RNF144A: variants seen among roughly 807,000 people sequenced by gnomAD.
The protein encoded by RNF144A is E3 ubiquitin-protein ligase RNF144A.
In RNF144A, 11 loss-of-function variants were observed where a neutral mutation model predicts 38.7. The ratio of observed to expected loss-of-function variants is 0.28; its 90% CI spans 0.18 to 0.47. The LOEUF (loss-of-function observed/expected upper bound fraction) is 0.47, where lower values mean the gene tolerates loss of function less well. Ranked by LOEUF, RNF144A falls within the 20% of genes least tolerant of loss-of-function variation. The probability of loss-of-function intolerance (pLI) is 0.99; values close to 1 mark genes in which losing one functional copy is unlikely to be tolerated. For missense variants in RNF144A, 316 were observed against 377.2 expected, an observed-to-expected ratio of 0.84 and a Z score of 1.34; for synonymous variants, 149 against 143.9, an observed-to-expected ratio of 1.04 and a Z score of -0.25.
chr2:6,937,113 A>G (rs929208740), intron 1 of RNF144A, among the ~76,000 whole-genome samples: 1 of 152,206 alleles, frequency 6.6e-6, no homozygotes, highest in African/African-American at 2.4e-5. Context: ...CTTCTTGAGT[A>G]TTGAGGGACT....
chr2:6,986,560 C>G (rs551287771), intron 2 of RNF144A, among the ~76,000 whole-genome samples: 2 of 152,274 alleles, frequency 1.3e-5, no homozygotes, highest in Non-Finnish European at 2.9e-5. Flanking sequence ...CTCCCACACC[C>G]CACAGTGGCT....
chr2:6,919,033 T>C (rs889076209), intron 1 of RNF144A, among the ~76,000 whole-genome samples: 2 of 152,192 alleles, frequency 1.3e-5, no homozygotes, highest in Non-Finnish European at 2.9e-5. Context: ...GCAGATAAGA[T>C]GGATTTGTAA....
At chr2:6,991,955 G>A (rs559450401) in intron 2 of RNF144A, among the ~76,000 whole-genome samples, 6 of 152,268 alleles carry the variant, frequency 3.9e-5, no homozygotes, top group Non-Finnish European at 8.8e-5. Context: ...TCACACATAT[G>A]TCAGACTTTG....
rs114895911 is a variant in RNF144A, at chr2:6,967,592, G to T, written c.-12+26445G>T. Among the ~76,000 whole-genome samples, 1,509 of 152,296 alleles carry T rather than the reference G, an allele frequency of 9.9e-3. 39 individuals are homozygous for T. Among genetic ancestry groups the T allele is most frequent in the African/African-American group, 0.035 (1,435 of 41,560 alleles). On this transcript the variant is annotated intron_variant, in intron 2 of 8. Coordinates refer to ENST00000320892, the MANE Select transcript of RNF144A (RefSeq NM_014746.6). ...CCTACTTCTGGGTAACTGAGGCAGGGGTGTGACAGTGACTGTCTGAGTCCT... is the reference window on the plus strand; with the variant it reads ...CCTACTTCTGGGTAACTGAGGCAGGTGTGTGACAGTGACTGTCTGAGTCCT...
intron 5 of RNF144A, 94 bp from the exon 6 acceptor site, chr2:7,020,379 C>A: frequency 9.2e-7 from 1 of 1,081,090 alleles, no homozygotes; most frequent in Non-Finnish European, 1.4e-6. Flanking sequence ...TGGACATGTT[C>A]CTCCCTGTCC....
intron 6 of RNF144A, among the ~76,000 whole-genome samples, chr2:7,064,424 AGCAGGG>A (rs1390671915): frequency 2.6e-5 from 4 of 152,208 alleles, no homozygotes; most frequent in Non-Finnish European, 4.4e-5. Flanking sequence ...ACCAAGAATA[AGCAGGG>A]GATATCTTGG....
At chr2:6,956,449 T>C (rs1667006857) in intron 2 of RNF144A, among the ~76,000 whole-genome samples, 1 of 152,208 alleles carries the variant, frequency 6.6e-6, no homozygotes, top group South Asian at 2.1e-4. Flanking sequence ...TGGATGTCAT[T>C]TCTGTAGGTT....
chr2:7,032,783 T>C (rs143791488), intron 8 of RNF144A, among the ~76,000 whole-genome samples: 1 of 152,358 alleles, frequency 6.6e-6, no homozygotes, highest in African/African-American at 2.4e-5. Flanking sequence ...GAAGGTCACA[T>C]TCTGAGATAC....
chr2:6,984,310 T>TC (rs1353058862), intron 2 of RNF144A, among the ~76,000 whole-genome samples: 1 of 152,110 alleles, frequency 6.6e-6, no homozygotes, highest in Admixed American at 6.5e-5. Flanking sequence ...TCTTTTCTTT[T>TC]TTTTTTTTCC....
At chr2:7,055,158 GC>G (rs1673682476) in intron 6 of RNF144A, among the ~76,000 whole-genome samples, 4 of 152,086 alleles carry the variant, frequency 2.6e-5, no homozygotes, top group Admixed American at 2.6e-4. Flanking sequence ...TTCTCAGCCT[GC>G]TTTGTGCCTT....
chr2:6,920,408 G>A (rs1375337), intron 1 of RNF144A, among the ~76,000 whole-genome samples: 38,392 of 152,178 alleles, frequency 0.25, 5,586 homozygotes, highest in South Asian at 0.38. Flanking sequence ...TCCAGCCCTG[G>A]CATCAGCTTT....
chr2:7,007,097 A>G (rs1670493163), intron 3 of RNF144A, among the ~76,000 whole-genome samples: 1 of 151,664 alleles, frequency 6.6e-6, no homozygotes, highest in Admixed American at 6.6e-5. Flanking sequence ...TCCTCTCCCC[A>G]TTTTGTGGAC....
intron 1 of RNF144A, among the ~76,000 whole-genome samples, chr2:6,920,239 G>A (rs941059224): frequency 2.0e-5 from 3 of 152,300 alleles, no homozygotes; most frequent in Non-Finnish European, 4.4e-5. Flanking sequence ...CCCTCTGGGG[G>A]TAGAGATGGG....
chr2:6,971,132 T>C (rs1667978699), intron 2 of RNF144A, among the ~76,000 whole-genome samples: 1 of 152,188 alleles, frequency 6.6e-6, no homozygotes, highest in African/African-American at 2.4e-5. Context: ...TGGTGTGTGG[T>C]TACTGGGTTT....
At chr2:7,002,062 G>A (rs141834540) in intron 3 of RNF144A, among the ~76,000 whole-genome samples, 2 of 152,264 alleles carry the variant, frequency 1.3e-5, no homozygotes, top group East Asian at 1.9e-4. Context: ...CTGGTATGCT[G>A]CAGAAAAGCT....
In RNF144A at chr2:7,042,305, A is replaced by G. The variant is rs1271918610; in HGVS notation, c.*2545A>G. On this transcript the variant is annotated 3_prime_UTR_variant, in exon 9 of 9. Coordinates refer to ENST00000320892, the MANE Select transcript of RNF144A (RefSeq NM_014746.6). The stretch of plus-strand genomic sequence containing the variant: ...GGGTTTGGACTTTGATCTTGCCATC[A>G]TTCCCCAGTAAAACCTGGGGAGTTC... The G allele has an allele frequency of 2.0e-6, 2 of 985,304 alleles. No homozygotes were observed. The highest frequency in any genetic ancestry group is 1.1e-4 in the East Asian group (1 of 8,818). The allele number at this position is 985,304 out of a possible 1,614,324, so 61.0% of individuals were successfully genotyped here.
chr2:7,035,447 C>T (rs1672610089), intron 8 of RNF144A, among the ~76,000 whole-genome samples: 1 of 152,226 alleles, frequency 6.6e-6, no homozygotes, highest in South Asian at 2.1e-4. Flanking sequence ...CTAAAGTCCT[C>T]ATCTTGACCC....
chr2:6,986,522 G>A (rs548241723), intron 2 of RNF144A, among the ~76,000 whole-genome samples: 2 of 152,290 alleles, frequency 1.3e-5, no homozygotes, highest in East Asian at 3.9e-4. Flanking sequence ...AGGAACTGAA[G>A]AAACTGCAGG....
intron 2 of RNF144A, among the ~76,000 whole-genome samples, chr2:6,961,021 G>A (rs1156436091): frequency 6.6e-6 from 1 of 152,094 alleles, no homozygotes; most frequent in Non-Finnish European, 1.5e-5. Flanking sequence ...AGAAAAATCT[G>A]CTTTGCTATT....
Sources: allele counts gnomAD v4.1 joint callset (sites outside exome capture counted in the v4.1 genomes callset), GRCh38; gene constraint gnomAD v4.1.1; transcripts MANE v1.5; gene names NCBI Gene and HGNC (gene_info 2026-07-23, HGNC 2026-07-21).